GALNT14: variants seen among roughly 807,000 people sequenced by gnomAD.
The protein encoded by GALNT14 is UDP-GalNAc:polypeptide N-acetylgalactosaminyltransferase 14.
Under a neutral mutation model 77.5 loss-of-function variants are expected in GALNT14, and 60 were observed. The ratio of observed to expected loss-of-function variants is 0.77; its 90% CI spans 0.63 to 0.96. The LOEUF is 0.96. Among genes scored for constraint, GALNT14 ranks in the 40% least tolerant of loss-of-function variants. The pLI, the probability that GALNT14 is intolerant of heterozygous loss-of-function variation, is 0.00. For synonymous variants in GALNT14, 280 were observed against 281.7 expected, an observed-to-expected ratio of 0.99 and a Z score of 0.06; for missense variants, 710 against 731.0, an observed-to-expected ratio of 0.97 and a Z score of 0.33.
chr2:30,941,348 C>T (rs964789599), intron 9 of GALNT14, among the ~76,000 whole-genome samples: 1 of 152,224 alleles, frequency 6.6e-6, no homozygotes, highest in African/African-American at 2.4e-5. Flanking sequence ...CCTCGTGCAG[C>T]TTCTATCCTA....
At chr2:31,113,686 A>G (rs1191498903) in intron 1 of GALNT14, among the ~76,000 whole-genome samples, 1 of 152,182 alleles carries the variant, frequency 6.6e-6, no homozygotes, top group Non-Finnish European at 1.5e-5. Context: ...ATCATCTTGG[A>G]CAAACACCAC....
chr2:30,948,318 TG>T (rs1666824646), intron 6 of GALNT14, among the ~76,000 whole-genome samples: 2 of 152,354 alleles, frequency 1.3e-5, no homozygotes, highest in South Asian at 4.1e-4. Flanking sequence ...GCCCAGCTCC[TG>T]GGAGGTAACC....
intron 2 of GALNT14, among the ~76,000 whole-genome samples, chr2:30,991,928 C>G (rs1265089735): frequency 6.6e-6 from 1 of 152,110 alleles, no homozygotes; most frequent in Non-Finnish European, 1.5e-5. Context: ...ACCCACAGAC[C>G]CAAACAAATA....
chr2:30,953,226 G>A (rs996433526), intron 6 of GALNT14, among the ~76,000 whole-genome samples: 16 of 151,988 alleles, frequency 1.1e-4, no homozygotes, highest in South Asian at 4.1e-4. Context: ...TTCCTGCTGC[G>A]GAGTAGAGTT....
intron 14 of GALNT14, among the ~76,000 whole-genome samples, chr2:30,911,332 A>C (rs1664345266): frequency 6.6e-6 from 1 of 152,170 alleles, no homozygotes; most frequent in Admixed American, 6.5e-5. Context: ...TAGCCCAGAA[A>C]ACATGAAGCG....
intron 1 of GALNT14, among the ~76,000 whole-genome samples, chr2:31,110,612 G>A (rs1022043849): frequency 3.9e-5 from 6 of 152,098 alleles, no homozygotes; most frequent in African/African-American, 1.4e-4. Context: ...GACCTCCCAG[G>A]GAAACAACCA....
intron 1 of GALNT14, among the ~76,000 whole-genome samples, chr2:31,115,722 T>C (rs1263208417): frequency 6.6e-6 from 1 of 152,128 alleles, no homozygotes; most frequent in Middle Eastern, 3.2e-3. Flanking sequence ...CCACAGGGTA[T>C]GCAAGTGTAA....
chr2:31,072,282 T>TACACAC (rs1198431998), intron 1 of GALNT14, among the ~76,000 whole-genome samples: 1 of 37,760 alleles, frequency 2.6e-5, no homozygotes, highest in Non-Finnish European at 5.2e-5. Context: ...CACACACACA[T>TACACAC]ACACACACAC....
intron 2 of GALNT14, among the ~76,000 whole-genome samples, chr2:30,976,595 GTGTGCA>G (rs1302578905): frequency 1.3e-5 from 2 of 149,574 alleles, no homozygotes; most frequent in African/African-American, 5.0e-5. Context: ...CGGCAGCTGT[GTGTGCA>G]TGTGCGTGTG....
chr2:30,954,633 G>C (rs1363209624), intron 6 of GALNT14, among the ~76,000 whole-genome samples: 1 of 152,192 alleles, frequency 6.6e-6, no homozygotes, highest in Admixed American at 6.5e-5. Flanking sequence ...GGATTTCCTT[G>C]TTTTCTTCTG....
the GALNT14 span, among the ~76,000 whole-genome samples, chr2:30,904,577 C>T: frequency 2.0e-5 from 3 of 152,370 alleles, no homozygotes; most frequent in Admixed American, 6.5e-5. Context: ...CGGAGTCTCG[C>T]TGACTGCTAG....
intron 1 of GALNT14, among the ~76,000 whole-genome samples, chr2:31,051,555 G>A (rs527287040): frequency 7.2e-4 from 110 of 152,260 alleles, no homozygotes; most frequent in Non-Finnish European, 1.3e-3. Flanking sequence ...CCTGCTAGCC[G>A]GACCTTTGGA....
intron 2 of GALNT14, among the ~76,000 whole-genome samples, chr2:30,979,532 C>T (rs924425681): frequency 1.3e-5 from 2 of 152,042 alleles, no homozygotes; most frequent in Admixed American, 6.5e-5. Context: ...GGCCAGGCCA[C>T]GGTTATCATG....
intron 1 of GALNT14, chr2:31,114,676 C>T: frequency 1.5e-6 from 1 of 688,912 alleles, no homozygotes. Context: ...AACAATAATC[C>T]CAGAAGGGGA....
intron 1 of GALNT14, among the ~76,000 whole-genome samples, chr2:31,076,629 A>ATATATATATATATATATATATATATATAT (rs1553373502): frequency 9.8e-6 from 1 of 101,892 alleles, no homozygotes; most frequent in African/African-American, 3.1e-5. Context: ...ATATATATAT[A>ATATATATATATATATATATATATATATAT]TTTTTTTTTT....
At chr2:30,894,572 T>C in the GALNT14 span, among the ~76,000 whole-genome samples, 1 of 152,212 alleles carries the variant, frequency 6.6e-6, no homozygotes, top group Non-Finnish European at 1.5e-5. Context: ...TTGCTTGTTT[T>C]ATAATGGAGA....
chr2:31,072,764 C>A (rs1239906506), intron 1 of GALNT14, among the ~76,000 whole-genome samples: 1 of 152,148 alleles, frequency 6.6e-6, no homozygotes, highest in Non-Finnish European at 1.5e-5. Context: ...AGAGATGTGC[C>A]AGACAGGGTG....
chr2:31,079,758 C>T (rs1021082762), intron 1 of GALNT14, among the ~76,000 whole-genome samples: 1 of 152,284 alleles, frequency 6.6e-6, no homozygotes, highest in Non-Finnish European at 1.5e-5. Context: ...GAGCACCCCA[C>T]GGGCTTCCTT....
chr2:30,997,742 C>T (rs764806258), intron 1 of GALNT14, among the ~76,000 whole-genome samples: 17 of 152,094 alleles, frequency 1.1e-4, no homozygotes, highest in Non-Finnish European at 1.8e-4. Flanking sequence ...GGGTACAATG[C>T]GATGTTTTGT....
Sources: allele counts gnomAD v4.1 joint callset (sites outside exome capture counted in the v4.1 genomes callset), GRCh38; gene constraint gnomAD v4.1.1; transcripts MANE v1.5; gene names NCBI Gene and HGNC (gene_info 2026-07-23, HGNC 2026-07-21).